DCPS: variants seen among roughly 807,000 people sequenced by gnomAD.
The protein encoded by DCPS is m7GpppX diphosphatase.
Under a neutral mutation model 34.7 loss-of-function variants are expected in DCPS, and 27 were observed. That is an observed-to-expected ratio of 0.78 (90% confidence interval 0.57 to 1.07). The LOEUF (loss-of-function observed/expected upper bound fraction) is 1.07. Ranked by LOEUF, DCPS falls within the 50% of genes least tolerant of loss-of-function variation. The pLI is 0.00. For synonymous variants in DCPS, 185 were observed against 185.7 expected (o/e 1.00, Z 0.03); for missense variants, 464 against 436.9 (o/e 1.06, Z -0.55).
rs1318207521 is a variant in DCPS at position 126,320,284 on chromosome 11, C to G, written c.377-11121C>G. On this transcript the variant is annotated intron_variant, in intron 2 of 5. Coordinates refer to ENST00000263579, the MANE Select transcript of DCPS (RefSeq NM_014026.6). The surrounding 1 kb of genome is among the most constrained non-coding windows in gnomAD (Gnocchi z 4.7). ...CACAGTGTACGAAACAGAGTCCCTG[C>G]TCTCGTGGACTTGATGTTCCACTGG... Among the ~76,000 whole-genome samples, 1 of 152,186 alleles carries G rather than the reference C, an allele frequency of 6.6e-6. No homozygotes were observed. The highest frequency in any genetic ancestry group is 1.9e-4 in the East Asian group (1 of 5,202).
rs1951812185 is a variant in DCPS, at chr11:126,334,028, A to G, written c.522+2478A>G. ...GGAGTGGGGGTGAGCATAGAACAGG[A>G]AGACTGGGAAAAACCAGTATGGGTC... On this transcript the variant is annotated intron_variant, in intron 3 of 5. Coordinates refer to ENST00000263579, the MANE Select transcript of DCPS (RefSeq NM_014026.6). This position sits in a 1 kb window ranked among gnomAD's most constrained non-coding sequence, Gnocchi z 5.5. Among the ~76,000 whole-genome samples, 1 of 152,154 alleles carries G rather than the reference A, an allele frequency of 6.6e-6. No individual in the cohort carries two copies. The highest frequency in any genetic ancestry group is 1.5e-5 in the Non-Finnish European group (1 of 68,036).
At position 126,336,150 on chromosome 11, in the gene DCPS, C is replaced by T. The variant is rs997658361; in HGVS notation, c.523-2136C>T. ...AAAAAAAAAATGGCGACAATGATAG[C>T]AGCCACCTCTCAGGGTTGCTGTGAC... On this transcript the variant is annotated intron_variant, in intron 3 of 5. Transcript: ENST00000263579. The surrounding 1 kb of genome is among the most constrained non-coding windows in gnomAD (Gnocchi z 6.3). Among the ~76,000 whole-genome samples, 10 of 150,996 alleles carry T rather than the reference C, an allele frequency of 6.6e-5. No individual in the cohort carries two copies. Among genetic ancestry groups the T allele is most frequent in the Non-Finnish European group, 1.5e-4 (10 of 67,892 alleles).
chr11:126,341,669 C>A (rs1466183306), intron 4 of DCPS: 2 of 152,264 alleles, frequency 1.3e-5, no homozygotes, highest in Non-Finnish European at 2.9e-5. Context: ...ACACCTTCAC[C>A]ACCACGTGCA....
At chr11:126,304,540 G>A (rs1951547470) in intron 1 of DCPS, among the ~76,000 whole-genome samples, 1 of 152,088 alleles carries the variant, frequency 6.6e-6, no homozygotes, top group African/African-American at 2.4e-5. Flanking sequence ...GTGCATTGCA[G>A]ATTAAAGATC....
Position 126,345,488 on chromosome 11 carries a change from C to T in DCPS, c.889C>T (p.Leu297=), listed in dbSNP as rs75111406. 101 of 1,614,052 alleles carry T rather than the reference C, an allele frequency of 6.3e-5. No homozygotes were observed. Among genetic ancestry groups the T allele is most frequent in the Non-Finnish European group, 8.1e-5 (95 of 1,180,040 alleles). ...CGGCTCAGGCGTGGAGCGGGCCCAC[C>T]TGCTGGCTGAGGTGATCGAGAACTT... ...APGSGVERAH[L]LAEVIENLEC... Residue 297 remains leucine, a synonymous_variant, in exon 6 of 6, where the codon CTG becomes TTG. Coordinates refer to ENST00000263579, the MANE Select transcript of DCPS (RefSeq NM_014026.6). The surrounding 1 kb of genome is among the most constrained non-coding windows in gnomAD (Gnocchi z 7.4).
chr11:126,331,366 C>T lies in DCPS; in HGVS notation c.377-39C>T. ...TGGTGCCTGTGGCATAGAGAGTGGG[C>T]ATTGCTTCCCTGTCACGGGCTGTGC... On this transcript the variant is annotated intron_variant, in intron 2 of 5. Transcript: ENST00000263579. The surrounding 1 kb of genome is among the most constrained non-coding windows in gnomAD (Gnocchi z 7.2). The T allele has an allele frequency of 9.3e-6, 15 of 1,608,820 alleles. No individual in the cohort carries two copies. Among genetic ancestry groups the T allele is most frequent in the South Asian group, 2.2e-5 (2 of 90,412 alleles).
chr11:126,331,644 G>A lies in DCPS; in HGVS notation c.522+94G>A, dbSNP rs554234849. 173 of 1,479,590 alleles carry A rather than the reference G, an allele frequency of 1.2e-4. 1 individual carries two copies. In the African/African-American group the frequency reaches 1.4e-3, roughly 12 times the overall value. The allele number at this position is 1,479,590 out of a possible 1,614,324, so 91.7% of individuals were successfully genotyped here. On this transcript the variant is annotated intron_variant, in intron 3 of 5. Transcript: ENST00000263579. The surrounding 1 kb of genome is among the most constrained non-coding windows in gnomAD (Gnocchi z 7.2). ...ATTGGGGTCATATTAGGGGCCAGGC[G>A]CTGTGCTGGGCGAGGGGATGGGGGT...
chr11:126,313,944 A>G lies in DCPS; in HGVS notation c.376+7200A>G, dbSNP rs1446126493. On this transcript the variant is annotated intron_variant, in intron 2 of 5. Transcript: ENST00000263579. This position sits in a 1 kb window ranked among gnomAD's most constrained non-coding sequence, Gnocchi z 4.9. ...TTAGATGGACTAGAAAGATCGTCCCATGAATTTCAAGGGCTGCATCCTCAT... is the reference window on the plus strand; with the variant it reads ...TTAGATGGACTAGAAAGATCGTCCCGTGAATTTCAAGGGCTGCATCCTCAT... 3.9e-5 allele frequency among the ~76,000 whole-genome samples: 6 copies of G among 152,238 alleles called. No homozygotes were observed. Among genetic ancestry groups the G allele is most frequent in the South Asian group, 4.1e-4 (2 of 4,826 alleles).
chr11:126,339,213 C>T (rs2135334107), intron 4 of DCPS, among the ~76,000 whole-genome samples: 1 of 152,358 alleles, frequency 6.6e-6, no homozygotes. Context: ...CCGAGGTAGG[C>T]AGGCAGGCAT....
intron 2 of DCPS, among the ~76,000 whole-genome samples, chr11:126,314,668 G>T (rs1426145260): frequency 6.6e-6 from 1 of 152,108 alleles, no homozygotes. Flanking sequence ...CCATAAAAAG[G>T]AATGAAATAA....
chr11:126,327,273 T>C lies in DCPS; in HGVS notation c.377-4132T>C, dbSNP rs1322634644. 1.3e-5 allele frequency among the ~76,000 whole-genome samples: 2 copies of C among 152,182 alleles called. No individual in the cohort carries two copies. Among genetic ancestry groups the C allele is most frequent in the Non-Finnish European group, 2.9e-5 (2 of 68,030 alleles). ...TTTTGTAGTGTTATAAAGCCACTAG[T>C]TTTGTTGAATGCCCCTGGATTTTGG... On this transcript the variant is annotated intron_variant, in intron 2 of 5. Coordinates refer to ENST00000263579, the MANE Select transcript of DCPS (RefSeq NM_014026.6). The surrounding 1 kb of genome is among the most constrained non-coding windows in gnomAD (Gnocchi z 4.1).
Position 126,344,071 on chromosome 11 carries a change from C to T in DCPS, c.747+654C>T, listed in dbSNP as rs1711535596. Among the ~76,000 whole-genome samples, 1 of 152,102 alleles carries T rather than the reference C, an allele frequency of 6.6e-6. No individual in the cohort carries two copies. Among genetic ancestry groups the T allele is most frequent in the Non-Finnish European group, 1.5e-5 (1 of 68,022 alleles). On this transcript the variant is annotated intron_variant, in intron 5 of 5. Coordinates refer to ENST00000263579, the MANE Select transcript of DCPS (RefSeq NM_014026.6). This position sits in a 1 kb window ranked among gnomAD's most constrained non-coding sequence, Gnocchi z 8.1. ...TATCTAGATGGATCCCTTCTAAATCCACCATCCTAAGGGGCTGGGTCTGAG... is the reference window on the plus strand; with the variant it reads ...TATCTAGATGGATCCCTTCTAAATCTACCATCCTAAGGGGCTGGGTCTGAG...
rs1007439215 is a variant in DCPS, at chr11:126,346,475, C to T, written c.*862C>T. Among the ~76,000 whole-genome samples, 23 of 152,316 alleles carry T rather than the reference C, an allele frequency of 1.5e-4. 1 individual carries two copies. Among genetic ancestry groups the T allele is most frequent in the African/African-American group, 4.3e-4 (18 of 41,566 alleles). On this transcript the variant is annotated 3_prime_UTR_variant, in exon 6 of 6. Transcript: ENST00000263579. This position sits in a 1 kb window ranked among gnomAD's most constrained non-coding sequence, Gnocchi z 4.1. Reference sequence around the variant, plus strand: ...TTGAGACCAGGAAGGGACCTCAAAGCGTCAGAGGCTGATGAGCAGTTAGGC... The same window carrying T: ...TTGAGACCAGGAAGGGACCTCAAAGTGTCAGAGGCTGATGAGCAGTTAGGC...
At chr11:126,311,423 T>C (rs1248045018) in intron 2 of DCPS, among the ~76,000 whole-genome samples, 7 of 152,240 alleles carry the variant, frequency 4.6e-5, no homozygotes, top group African/African-American at 1.7e-4. Flanking sequence ...TTGGTGAAGA[T>C]AACCGATGTC....
chr11:126,330,934 C>T (rs1951785037), intron 2 of DCPS, among the ~76,000 whole-genome samples: 1 of 151,458 alleles, frequency 6.6e-6, no homozygotes, highest in African/African-American at 2.4e-5. Flanking sequence ...TGGGGTTTCT[C>T]CACGTTGGTC....
Position 126,345,453 on chromosome 11 carries a change from TC to T in DCPS, c.855del (p.Phe285LeufsTer17). 4 of 1,614,202 alleles carry T rather than the reference TC, an allele frequency of 2.5e-6. No homozygotes were observed. Among genetic ancestry groups the T allele is most frequent in the Non-Finnish European group, 3.4e-6 (4 of 1,180,026 alleles). On this transcript the variant is annotated frameshift_variant, in exon 6 of 6. Transcript: ENST00000263579. LOFTEE classifies it high-confidence loss of function. The surrounding 1 kb of genome is among the most constrained non-coding windows in gnomAD (Gnocchi z 7.4). ...CATGTGCACTTCACCGCCCTGGGCT[TC>T]GAGGCCCCCGGCTCAGGCGTGGAGC... ...HLHVHFTALG[F>X]EAPGSGVERA...
intron 5 of DCPS, 78 bp downstream of exon 5, chr11:126,343,495 T>TCACCTTTCC: frequency 1.6e-6 from 2 of 1,242,672 alleles, no homozygotes; most frequent in South Asian, 2.6e-5. Context: ...GCCCCTTTCC[T>TCACCTTTCC]CACCTTTCCC....
At chr11:126,341,829 A>T (rs1047481997) in intron 4 of DCPS, 8 of 152,302 alleles carry the variant, frequency 5.3e-5, no homozygotes, top group African/African-American at 1.9e-4. Flanking sequence ...GGCCTGGTGC[A>T]TGTAGCTCAG....
rs1169433266 is a variant in DCPS, at chr11:126,333,853, TGGAGC to T, written c.522+2304_522+2308del. The stretch of plus-strand genomic sequence containing the variant: ...CTGCTGAATCTCACGCTTCAGGGAG[TGGAGC>T]TGGGAATTCTCTCTCTCTCTCTCTC... On this transcript the variant is annotated intron_variant, in intron 3 of 5. Transcript: ENST00000263579. The surrounding 1 kb of genome is among the most constrained non-coding windows in gnomAD (Gnocchi z 5.7). 6.7e-6 allele frequency among the ~76,000 whole-genome samples: 1 copy of T among 149,968 alleles called. No homozygotes were observed. The highest frequency in any genetic ancestry group is 1.5e-5 in the Non-Finnish European group (1 of 67,564).
Sources: gnomAD v4.1 joint callset for allele counts (sites outside exome capture counted in the v4.1 genomes callset) on GRCh38, gnomAD v4.1.1 for gene constraint, Gnocchi (gnomAD v3.1) non-coding constraint, MANE v1.5 for transcripts, NCBI Gene and HGNC (gene_info 2026-07-23, HGNC 2026-07-21) for gene names.